The following SEMA6D variants were observed in gnomAD, a reference collection of about 807,000 sequenced individuals.
SEMA6D encodes semaphorin 6D, also known as semaphorin-6D.
SEMA6D carries 35 observed loss-of-function variants against 106.6 expected under a neutral mutation model. The ratio of observed to expected loss-of-function variants is 0.33; its 90% CI spans 0.25 to 0.44. The LOEUF (loss-of-function observed/expected upper bound fraction) is 0.44, where lower values mean the gene tolerates loss of function less well. SEMA6D is among the 20% of genes least tolerant of loss of function. SEMA6D has a pLI of 1.00. For missense variants in SEMA6D, 1,185 were observed against 1,345.9 expected, an observed-to-expected ratio of 0.88 and a Z score of 1.87; for synonymous variants, 499 against 487.7, an observed-to-expected ratio of 1.02 and a Z score of -0.31.
At chr15:47,643,564 C>G (rs2077528229) in intron 4 of SEMA6D, among the ~76,000 whole-genome samples, 1 of 152,190 alleles carries the variant, frequency 6.6e-6, no homozygotes, top group African/African-American at 2.4e-5. Flanking sequence ...GTTCTGCATT[C>G]ATTACAAACT....
At chr15:47,189,501 GA>G (rs375435860) in intron 1 of SEMA6D, among the ~76,000 whole-genome samples, 2,651 of 151,822 alleles carry the variant, frequency 0.017, 75 homozygotes, top group African/African-American at 0.06. Flanking sequence ...AAAGTTGAGA[GA>G]AAAAAAACCC....
intron 3 of SEMA6D, among the ~76,000 whole-genome samples, chr15:47,511,133 GCTCC>G (rs2044216459): frequency 6.6e-6 from 1 of 152,134 alleles, no homozygotes; most frequent in South Asian, 2.1e-4. Flanking sequence ...TGTTGTTGGA[GCTCC>G]TGCTTTGCAA....
At chr15:47,684,792 T>C (rs2078433903) in intron 4 of SEMA6D, among the ~76,000 whole-genome samples, 1 of 152,246 alleles carries the variant, frequency 6.6e-6, no homozygotes, top group Non-Finnish European at 1.5e-5. Flanking sequence ...AGCATGAGTT[T>C]CAATTATTCA....
At chr15:47,479,104 C>A (rs2141272862) in intron 3 of SEMA6D, among the ~76,000 whole-genome samples, 1 of 152,278 alleles carries the variant, frequency 6.6e-6, no homozygotes, top group East Asian at 1.9e-4. Flanking sequence ...CAAACCATAT[C>A]AGCCATCATT....
At position 47,282,517 on chromosome 15, in the gene SEMA6D, A is replaced by G. The variant is rs148297102; in HGVS notation, c.-239+98099A>G. On this transcript the variant is annotated intron_variant, in intron 1 of 19. Coordinates refer to the SEMA6D transcript ENST00000558014. Reference sequence around the variant, plus strand: ...CTACTATCGTGAGTACTGTTGCTACAAACACTCTTATAAGTGTATTTTGGT... The same window carrying G: ...CTACTATCGTGAGTACTGTTGCTACGAACACTCTTATAAGTGTATTTTGGT... Among the ~76,000 whole-genome samples the G allele has an allele frequency of 5.1e-3, 773 of 152,312 alleles. 15 individuals carry two copies. The highest frequency in any genetic ancestry group is 0.018 in the African/African-American group (733 of 41,578).
chr15:47,323,247 G>A (rs538601277), intron 1 of SEMA6D, among the ~76,000 whole-genome samples: 7 of 152,202 alleles, frequency 4.6e-5, no homozygotes, highest in Non-Finnish European at 7.4e-5. Flanking sequence ...CCCACAGCTC[G>A]GCGAGCAGGA....
At position 47,730,643 on chromosome 15, in the gene SEMA6D, T is replaced by C. The variant is rs1276423455; in HGVS notation, c.-55+12951T>C. On this transcript the variant is annotated intron_variant, in intron 1 of 18. Transcript: ENST00000536845. The stretch of plus-strand genomic sequence containing the variant: ...TTGCTTTGTCTCTGGTCTGTACTTG[T>C]GGGCCAGCTTATGCAGCTCGCTGTT... The C allele has an allele frequency of 5.6e-6, 9 of 1,596,832 alleles. No individual in the cohort carries two copies. The East Asian group carries it at 6.7e-5, about 12-fold the overall frequency.
intron 1 of SEMA6D, among the ~76,000 whole-genome samples, chr15:47,314,849 CTTTTTTTTTTTTTTTTTTTT>C (rs1173992222): frequency 6.0e-5 from 5 of 83,914 alleles, no homozygotes; most frequent in Admixed American, 1.6e-4. Context: ...TCTAGGTTTT[CTTTTTTTTTTTTTTTTTTTT>C]TTTTTTTTTT....
At chr15:47,736,833 T>G (rs1427266576) in intron 1 of SEMA6D, among the ~76,000 whole-genome samples, 1 of 152,178 alleles carries the variant, frequency 6.6e-6, no homozygotes, top group East Asian at 1.9e-4. Flanking sequence ...CTTTTACTGG[T>G]GTAGATTAGA....
chr15:47,457,950 G>GGCTGCA (rs1313075404), intron 2 of SEMA6D, among the ~76,000 whole-genome samples: 1 of 151,830 alleles, frequency 6.6e-6, no homozygotes, highest in African/African-American at 2.4e-5. Context: ...ACATAAAAAT[G>GGCTGCA]GCTGCAGACA....
At chr15:47,420,967 G>A (rs1232655509) in intron 2 of SEMA6D, among the ~76,000 whole-genome samples, 1 of 152,066 alleles carries the variant, frequency 6.6e-6, no homozygotes, top group Non-Finnish European at 1.5e-5. Context: ...TTATCATGAA[G>A]CATAAAATTG....
intron 1 of SEMA6D, among the ~76,000 whole-genome samples, chr15:47,381,173 T>A (rs1463627782): frequency 6.6e-6 from 1 of 152,260 alleles, no homozygotes; most frequent in African/African-American, 2.4e-5. Context: ...TTGGACTATG[T>A]CTACATGGCA....
chr15:47,657,465 C>T (rs1192704118), intron 4 of SEMA6D, among the ~76,000 whole-genome samples: 2 of 151,826 alleles, frequency 1.3e-5, no homozygotes, highest in African/African-American at 4.8e-5. Flanking sequence ...GAATTTTCTT[C>T]CATTTTAACT....
chr15:47,250,487 C>T (rs780737821), intron 1 of SEMA6D, among the ~76,000 whole-genome samples: 4 of 152,012 alleles, frequency 2.6e-5, no homozygotes, highest in Non-Finnish European at 5.9e-5. Flanking sequence ...TTAGCAAATC[C>T]TGAAAGAAAA....
intron 3 of SEMA6D, among the ~76,000 whole-genome samples, chr15:47,523,994 G>T (rs2044671520): frequency 1.3e-5 from 2 of 152,194 alleles, no homozygotes; most frequent in Admixed American, 1.3e-4. Context: ...CCTCGGCAGA[G>T]GACAGCAGAA....
At chr15:47,663,193 G>A (rs1479659585) in intron 4 of SEMA6D, among the ~76,000 whole-genome samples, 1 of 152,174 alleles carries the variant, frequency 6.6e-6, no homozygotes, top group Non-Finnish European at 1.5e-5. Context: ...TAATTCAGTG[G>A]GCAGTGGGAG....
intron 1 of SEMA6D, among the ~76,000 whole-genome samples, chr15:47,332,663 T>C (rs1461975702): frequency 1.3e-5 from 2 of 152,196 alleles, no homozygotes; most frequent in East Asian, 3.8e-4. Context: ...GGCTGTGGGA[T>C]CATTTTTTCT....
At chr15:47,258,417 G>A (rs1014845853) in intron 1 of SEMA6D, among the ~76,000 whole-genome samples, 3 of 152,154 alleles carry the variant, frequency 2.0e-5, no homozygotes, top group African/African-American at 7.2e-5. Context: ...AGCAGACTGA[G>A]TAAAGAAGAT....
chr15:47,258,427 T>C (rs2033914212), intron 1 of SEMA6D, among the ~76,000 whole-genome samples: 1 of 152,148 alleles, frequency 6.6e-6, no homozygotes, highest in African/African-American at 2.4e-5. Context: ...GTAAAGAAGA[T>C]AAAGATAATA....
Sources: gnomAD v4.1 joint callset for allele counts (sites outside exome capture counted in the v4.1 genomes callset) on GRCh38, gnomAD v4.1.1 for gene constraint, MANE v1.5 for transcripts, NCBI Gene and HGNC (gene_info 2026-07-23, HGNC 2026-07-21) for gene names.